The following DPP10 variants were observed in gnomAD, a reference collection of about 807,000 sequenced individuals.
DPP10 encodes dipeptidyl peptidase like 10.
A neutral mutation model predicts 120.9 loss-of-function variants in DPP10; 33 were observed. That is an observed-to-expected ratio of 0.27 (90% CI 0.21 to 0.37). DPP10 has a LOEUF of 0.37. Among genes scored for constraint, DPP10 ranks in the 10% least tolerant of loss-of-function variants. The pLI is 1.00. For synonymous variants in DPP10, 337 were observed against 326.1 expected (o/e 1.03, Z -0.36); for missense variants, 816 against 942.8 (o/e 0.87, Z 1.76).
intron 3 of DPP10, among the ~76,000 whole-genome samples, chr2:115,492,167 G>C (rs530717970): frequency 1.1e-4 from 17 of 152,250 alleles, no homozygotes; most frequent in African/African-American, 3.6e-4. Context: ...ACTGGATGGG[G>C]CTGTAGTACA....
intron 1 of DPP10, among the ~76,000 whole-genome samples, chr2:114,703,167 T>C (rs1269668646): frequency 6.6e-6 from 1 of 152,180 alleles, no homozygotes; most frequent in Non-Finnish European, 1.5e-5. Context: ...TATGTTGTAA[T>C]TAAATGGTTT....
chr2:114,663,688 G>GAGAGAGAGAGAA (rs1558981144), intron 1 of DPP10, among the ~76,000 whole-genome samples: 3 of 147,456 alleles, frequency 2.0e-5, no homozygotes, highest in Non-Finnish European at 4.5e-5. Context: ...GAGAGAGAGA[G>GAGAGAGAGAGAA]AGAGAGAGAA....
In DPP10 at chr2:114,804,176, G is replaced by A. The variant is rs549065493; in HGVS notation, c.60+361338G>A. Among the ~76,000 whole-genome samples the A allele has an allele frequency of 5.3e-5, 8 of 152,378 alleles. No individual in the cohort carries two copies. In the South Asian group the frequency reaches 1.7e-3, roughly 32 times the overall value. ...GCAGCTTCCATGTGGTGTTGAGGCT[G>A]TGGGGGCACAGAAGTCAAGAATTGA... On this transcript the variant is annotated intron_variant, in intron 1 of 25. Transcript: ENST00000410059.
chr2:115,005,917 A>C (rs1701802031), intron 1 of DPP10, among the ~76,000 whole-genome samples: 1 of 152,196 alleles, frequency 6.6e-6, no homozygotes, highest in Non-Finnish European at 1.5e-5. Flanking sequence ...CATAATTGTC[A>C]GATTCACCAA....
At chr2:115,167,902 C>T (rs936982404) in intron 1 of DPP10, among the ~76,000 whole-genome samples, 5 of 152,152 alleles carry the variant, frequency 3.3e-5, no homozygotes, top group Non-Finnish European at 5.9e-5. Flanking sequence ...GGCTAATTCT[C>T]ACCAAGAGTT....
At position 115,245,021 on chromosome 2, in the gene DPP10, A is replaced by G. The variant is rs545934259; in HGVS notation, c.61-64218A>G. On this transcript the variant is annotated intron_variant, in intron 1 of 25. Coordinates refer to ENST00000410059, the MANE Select transcript of DPP10 (RefSeq NM_020868.6). Reference sequence around the variant, plus strand: ...TCAGCCCCTTCCCCCCGAGTCTCCAAAGTCCATCGTATCATTCTTATACCT... The same window carrying G: ...TCAGCCCCTTCCCCCCGAGTCTCCAGAGTCCATCGTATCATTCTTATACCT... Among the ~76,000 whole-genome samples, 4 of 151,942 alleles carry G rather than the reference A, an allele frequency of 2.6e-5. No individual in the cohort carries two copies. The East Asian group carries it at 5.8e-4, about 22-fold the overall frequency.
intron 1 of DPP10, among the ~76,000 whole-genome samples, chr2:115,196,087 T>C (rs920863419): frequency 1.1e-4 from 16 of 152,228 alleles, no homozygotes; most frequent in Admixed American, 5.9e-4. Context: ...TGTCCTTTTT[T>C]TCCCAGGGAC....
intron 1 of DPP10, among the ~76,000 whole-genome samples, chr2:114,779,276 A>G (rs28451342): frequency 0.031 from 4,755 of 152,216 alleles, 268 homozygotes; most frequent in African/African-American, 0.11. Flanking sequence ...TAAGCTAACT[A>G]TGAGGAAAAA....
At chr2:115,823,868 A>T (rs761193258) in intron 21 of DPP10, among the ~76,000 whole-genome samples, 5 of 152,198 alleles carry the variant, frequency 3.3e-5, no homozygotes, top group Non-Finnish European at 5.9e-5. Context: ...GTAAAAAGCG[A>T]TGTGATTCAT....
chr2:114,759,392 T>C (rs1379214100), intron 1 of DPP10, among the ~76,000 whole-genome samples: 1 of 152,198 alleles, frequency 6.6e-6, no homozygotes, highest in African/African-American at 2.4e-5. Context: ...AAAGCATTCT[T>C]ATCTTTCAGA....
chr2:115,760,641 A>T (rs1679997771), intron 11 of DPP10, among the ~76,000 whole-genome samples: 1 of 152,218 alleles, frequency 6.6e-6, no homozygotes, highest in African/African-American at 2.4e-5. Context: ...CGTGGAAATG[A>T]GATAGTTAAA....
At chr2:115,786,857 A>G (rs779426429) in intron 17 of DPP10, among the ~76,000 whole-genome samples, 1 of 152,224 alleles carries the variant, frequency 6.6e-6, no homozygotes, top group Non-Finnish European at 1.5e-5. Context: ...AGACATCTGC[A>G]TAGGGCTGGA....
chr2:115,051,856 T>C (rs1705509480), intron 1 of DPP10, among the ~76,000 whole-genome samples: 1 of 152,104 alleles, frequency 6.6e-6, no homozygotes, highest in Admixed American at 6.6e-5. Context: ...ATGATAAGCA[T>C]GTGAGGTAAT....
At chr2:115,749,277 A>G (rs967933787) in intron 10 of DPP10, among the ~76,000 whole-genome samples, 13 of 152,208 alleles carry the variant, frequency 8.5e-5, no homozygotes, top group African/African-American at 3.1e-4. Flanking sequence ...TGGATAAGTC[A>G]CATTAATTTG....
chr2:114,644,221 T>C (rs938283667), intron 1 of DPP10, among the ~76,000 whole-genome samples: 1 of 150,310 alleles, frequency 6.7e-6, no homozygotes, highest in African/African-American at 2.5e-5. Flanking sequence ...GGATTACAGG[T>C]GTGAGCCAGC....
At chr2:115,336,197 A>G (rs895562993) in intron 2 of DPP10, among the ~76,000 whole-genome samples, 1 of 152,014 alleles carries the variant, frequency 6.6e-6, no homozygotes, top group Non-Finnish European at 1.5e-5. Context: ...AAGGCCATTT[A>G]AAAGCAAGAT....
chr2:115,385,773 G>A (rs2066887248), intron 3 of DPP10, among the ~76,000 whole-genome samples: 1 of 152,142 alleles, frequency 6.6e-6, no homozygotes, highest in Non-Finnish European at 1.5e-5. Flanking sequence ...ATAAAACTTT[G>A]ATTTGAAAAA....
At position 114,511,468 on chromosome 2, in the gene DPP10, C is replaced by T. The variant is rs142283094; in HGVS notation, c.60+68630C>T. 8.6e-3 allele frequency among the ~76,000 whole-genome samples: 1,302 copies of T among 152,204 alleles called. 18 individuals carry two copies. The highest frequency in any genetic ancestry group is 0.03 in the African/African-American group (1,235 of 41,516). ...TGCACTAAAATGAGCAATTTAAAAA[C>T]GGTTGGAAAGAAATCAGTGGCTATT... On this transcript the variant is annotated intron_variant, in intron 1 of 25. Transcript: ENST00000410059.
At chr2:115,083,566 C>T (rs999282882) in intron 1 of DPP10, among the ~76,000 whole-genome samples, 8 of 152,156 alleles carry the variant, frequency 5.3e-5, no homozygotes, top group African/African-American at 1.9e-4. Flanking sequence ...TTAGGCCTTC[C>T]TTCTCTCTCT....
Sources: gnomAD v4.1 joint callset for allele counts (sites outside exome capture counted in the v4.1 genomes callset) on GRCh38, gnomAD v4.1.1 for gene constraint, MANE v1.5 for transcripts, NCBI Gene and HGNC (gene_info 2026-07-23, HGNC 2026-07-21) for gene names.